PDE4D: variants seen among roughly 807,000 people sequenced by gnomAD.
The protein encoded by PDE4D is phosphodiesterase 4D.
In PDE4D, 24 loss-of-function variants were observed where a neutral mutation model predicts 87.4. The observed-to-expected ratio is 0.27, with a 90% CI of 0.20 to 0.39. The LOEUF (loss-of-function observed/expected upper bound fraction) is 0.39. PDE4D is among the 10% of genes least tolerant of loss of function. The pLI is 1.00. For missense variants in PDE4D, 714 were observed against 1,041.0 expected, an observed-to-expected ratio of 0.69 and a Z score of 4.32; for synonymous variants, 384 against 383.2, an observed-to-expected ratio of 1.00 and a Z score of -0.02.
At position 60,173,834 on chromosome 5, in the gene PDE4D, A is replaced by T. The variant is rs567761244; in HGVS notation, c.42+11723T>A. ...AGGTGATCCCCAGGGCATTGGTGGAAAGGGAAGTCAAGCTGAGATGAGGAC... is the reference window on the plus strand; with the variant it reads ...AGGTGATCCCCAGGGCATTGGTGGATAGGGAAGTCAAGCTGAGATGAGGAC... On this transcript the variant is annotated intron_variant, in intron 2 of 16. Transcript: ENST00000502484. 2.0e-5 allele frequency among the ~76,000 whole-genome samples: 3 copies of T among 152,188 alleles called. No homozygotes were observed. In the East Asian group the frequency reaches 5.8e-4, roughly 29 times the overall value.
intron 1 of PDE4D, among the ~76,000 whole-genome samples, chr5:59,379,447 A>T (rs776726160): frequency 6.6e-6 from 1 of 152,130 alleles, no homozygotes; most frequent in Admixed American, 6.5e-5. Flanking sequence ...CCGAGAGGCA[A>T]CTTGTAAATC....
intron 1 of PDE4D, among the ~76,000 whole-genome samples, chr5:59,578,556 CT>C (rs985184507): frequency 4.6e-5 from 7 of 151,986 alleles, no homozygotes; most frequent in Non-Finnish European, 4.4e-5. Flanking sequence ...CATCACTGAC[CT>C]TTTTCCAACT....
At chr5:59,452,579 G>A (rs1799325705) in intron 1 of PDE4D, among the ~76,000 whole-genome samples, 1 of 152,170 alleles carries the variant, frequency 6.6e-6, no homozygotes, top group African/African-American at 2.4e-5. Context: ...TGCTGCCTCA[G>A]GTAGAGAGAG....
At chr5:60,242,814 A>G (rs1747277909) in intron 1 of PDE4D, among the ~76,000 whole-genome samples, 1 of 152,018 alleles carries the variant, frequency 6.6e-6, no homozygotes, top group African/African-American at 2.4e-5. Flanking sequence ...ACCAAAACCT[A>G]TGGGATACAG....
At chr5:60,146,631 G>C (rs1309397532) in intron 2 of PDE4D, among the ~76,000 whole-genome samples, 1 of 152,142 alleles carries the variant, frequency 6.6e-6, no homozygotes, top group Non-Finnish European at 1.5e-5. Flanking sequence ...AAATGGGAAT[G>C]CATCGAACTA....
chr5:59,301,697 G>A (rs939750142), intron 1 of PDE4D, among the ~76,000 whole-genome samples: 1 of 151,964 alleles, frequency 6.6e-6, no homozygotes, highest in Non-Finnish European at 1.5e-5. Context: ...AGAGAGAGAA[G>A]AAATGGGAGA....
chr5:59,846,798 A>G (rs1408409790), intron 1 of PDE4D, among the ~76,000 whole-genome samples: 1 of 152,004 alleles, frequency 6.6e-6, no homozygotes, highest in Non-Finnish European at 1.5e-5. Flanking sequence ...AAAAGCCACC[A>G]TTTAATGTGC....
chr5:60,079,298 G>A (rs970719878), intron 2 of PDE4D, among the ~76,000 whole-genome samples: 1 of 136,170 alleles, frequency 7.3e-6, no homozygotes, highest in African/African-American at 2.7e-5. Flanking sequence ...TGTCAGATAG[G>A]CAGATAGGAA....
At position 59,215,910 on chromosome 5, in the gene PDE4D, G is replaced by A. The variant is rs1561730762; in HGVS notation, c.514C>T (p.Pro172Ser). The A allele has an allele frequency of 6.2e-7, 1 of 1,613,296 alleles. No homozygotes were observed. Among genetic ancestry groups the A allele is most frequent in the Non-Finnish European group, 8.5e-7 (1 of 1,179,462 alleles). Residue 172 changes from proline to serine, a missense_variant, in exon 2 of 15, where the codon CCA (proline) becomes TCA (serine). This residue lies in a region of PDE4D where 268 missense variants were observed against 272.9 expected (regional missense o/e 0.98). Coordinates refer to ENST00000340635, the MANE Select transcript of PDE4D (RefSeq NM_001104631.2). ...GCTTGGAGAATTAGCCCGGATCCTG[G>A]GCTGGTCATGGGATCCAAGGGACTC... The part of the protein sequence containing the change: ...GRSPLDPMTS[P>S]GSGLILQANF...
intron 2 of PDE4D, among the ~76,000 whole-genome samples, chr5:60,104,052 C>A (rs1042902580): frequency 7.2e-5 from 11 of 152,088 alleles, no homozygotes; most frequent in Admixed American, 2.0e-4. Flanking sequence ...CGAAGCAGGG[C>A]GAGGCATTGC....
intron 1 of PDE4D, chr5:59,217,390 TAATA>T (rs1751494304): frequency 3.4e-5 from 14 of 414,340 alleles, no homozygotes; most frequent in Non-Finnish European, 3.3e-5. Flanking sequence ...TCGGAGTCAT[TAATA>T]AATAGAGTTA....
At position 60,154,565 on chromosome 5, in the gene PDE4D, C is replaced by G. The variant is rs141430942; in HGVS notation, c.42+30992G>C. ...CTGGGATTACAGGCATAAGCCACTG[C>G]ACCCGGCCCTATTAACTTCTTATTG... On this transcript the variant is annotated intron_variant, in intron 2 of 16. Coordinates refer to the PDE4D transcript ENST00000502484. Among the ~76,000 whole-genome samples the G allele has an allele frequency of 7.3e-3, 1,119 of 152,272 alleles. 9 individuals are homozygous for G. Among genetic ancestry groups the G allele is most frequent in the Non-Finnish European group, 0.011 (741 of 68,016 alleles).
chr5:59,087,616 G>T (rs1451995499), intron 5 of PDE4D, among the ~76,000 whole-genome samples: 1 of 152,114 alleles, frequency 6.6e-6, no homozygotes, highest in African/African-American at 2.4e-5. Flanking sequence ...ATCAAGTGAT[G>T]CCCCCATGCT....
intron 3 of PDE4D, among the ~76,000 whole-genome samples, chr5:59,190,596 A>C (rs1744091643): frequency 6.6e-6 from 1 of 152,170 alleles, no homozygotes; most frequent in Non-Finnish European, 1.5e-5. Context: ...TGACATAAGT[A>C]TCTTATATTT....
chr5:60,181,575 G>A (rs945899052), intron 2 of PDE4D, among the ~76,000 whole-genome samples: 2 of 152,100 alleles, frequency 1.3e-5, no homozygotes, highest in Non-Finnish European at 2.9e-5. Context: ...TCCAAAAGTA[G>A]AACATCCATA....
intron 1 of PDE4D, among the ~76,000 whole-genome samples, chr5:59,729,752 A>G (rs1256908640): frequency 1.3e-5 from 2 of 152,060 alleles, no homozygotes; most frequent in African/African-American, 4.8e-5. Context: ...ATACATCTTA[A>G]TCTTTTGTTG....
chr5:59,746,454 A>G (rs1759621316), intron 1 of PDE4D, among the ~76,000 whole-genome samples: 1 of 152,162 alleles, frequency 6.6e-6, no homozygotes. Flanking sequence ...TAAATAGACC[A>G]AAGAAACCGG....
chr5:60,309,590 T>C (rs16877893), intron 1 of PDE4D, among the ~76,000 whole-genome samples: 9,193 of 152,212 alleles, frequency 0.06, 921 homozygotes, highest in African/African-American at 0.21. Context: ...ATAAGAACAT[T>C]CACTCCCTCA....
chr5:59,410,341 G>A (rs1461380553), intron 1 of PDE4D, among the ~76,000 whole-genome samples: 1 of 152,036 alleles, frequency 6.6e-6, no homozygotes, highest in Non-Finnish European at 1.5e-5. Context: ...CTGCCTCCCA[G>A]GTTCAAGTGA....
Sources: gnomAD v4.1 joint callset for allele counts (sites outside exome capture counted in the v4.1 genomes callset) on GRCh38, gnomAD v4.1.1 for gene constraint, gnomAD v4.1.1 regional missense constraint, MANE v1.5 for transcripts, NCBI Gene and HGNC (gene_info 2026-07-23, HGNC 2026-07-21) for gene names.